Variants in SMG7 observed in about 807,000 individuals in gnomAD.
The protein encoded by SMG7 is nonsense-mediated mRNA decay factor SMG7.
In SMG7, 34 loss-of-function variants were observed where a neutral mutation model predicts 148.2. The observed-to-expected ratio is 0.23, with a 90% CI of 0.17 to 0.31. The LOEUF (loss-of-function observed/expected upper bound fraction) is 0.31. Among genes scored for constraint, SMG7 ranks in the 10% least tolerant of loss-of-function variants. The pLI, the probability that SMG7 is intolerant of heterozygous loss-of-function variation, is 1.00. For synonymous variants in SMG7, 492 were observed against 515.1 expected, an observed-to-expected ratio of 0.96 and a Z score of 0.61; for missense variants, 1,114 against 1,408.4, an observed-to-expected ratio of 0.79 and a Z score of 3.35.
At chr1:183,480,429 T>G (rs1015158479) in intron 1 of SMG7, among the ~76,000 whole-genome samples, 2 of 152,164 alleles carry the variant, frequency 1.3e-5, no homozygotes, top group Non-Finnish European at 2.9e-5. Flanking sequence ...ATTATTGAAA[T>G]TACCATTTCC....
At position 183,529,478 on chromosome 1, in the gene SMG7, G is replaced by C. The variant is rs1281396803; in HGVS notation, c.788G>C (p.Ser263Thr). The C allele has an allele frequency of 1.9e-6, 3 of 1,613,286 alleles. No homozygotes were observed. Among genetic ancestry groups the C allele is most frequent in the Middle Eastern group, 3.3e-4 (2 of 6,054 alleles). ...FIKFHGHVYL[S>T]KSLEKLSPLR... The stretch of plus-strand genomic sequence containing the variant: ...AAATTCCACGGTCATGTGTACCTGA[G>C]TAAGAGCTTGGAAAAGTTGAGCCCT... Residue 263 changes from serine (S) to threonine (T), a missense_variant, in exon 8 of 23, where the codon AGT becomes ACT. By Grantham distance (58) the Ser-to-Thr change is moderately conservative. Around this residue, in one of 4 missense-constraint regions of SMG7, gnomAD observed 216 missense variants for 329.1 expected, o/e 0.66. Transcript: ENST00000688051.
chr1:183,544,510 T>G lies in SMG7; in HGVS notation c.1987+13T>G. On this transcript the variant is annotated intron_variant, in intron 15 of 22. Transcript: ENST00000688051. Reference sequence around the variant, plus strand: ...CCCAGCAGGCCAGGTAAATATGTTTTGTAATTTCTTCTACTTAATCTTTTC... The same window carrying G: ...CCCAGCAGGCCAGGTAAATATGTTTGGTAATTTCTTCTACTTAATCTTTTC... 1 of 1,611,678 alleles carries G rather than the reference T, an allele frequency of 6.2e-7. No individual in the cohort carries two copies. The highest frequency in any genetic ancestry group is 8.5e-7 in the Non-Finnish European group (1 of 1,178,538).
Position 183,515,932 on chromosome 1 carries a change from C to T in SMG7, c.120C>T (p.Tyr40=). The T allele has an allele frequency of 6.2e-7, 1 of 1,612,938 alleles. No homozygotes were observed. Among genetic ancestry groups the T allele is most frequent in the South Asian group, 1.1e-5 (1 of 90,934 alleles). ...WTSRQALQDL[Y]QKMLVTDLEY... The stretch of plus-strand genomic sequence containing the variant: ...CCAGGCAGGCTCTGCAGGACCTGTA[C>T]CAGAAAATGCTAGTTACCGATTTGG... Residue 40 remains tyrosine, a synonymous_variant, in exon 3 of 23, where the codon TAC becomes TAT. Coordinates refer to ENST00000688051, the MANE Select transcript of SMG7 (RefSeq NM_001375584.1).
chr1:183,475,906 T>G (rs1652055582), intron 1 of SMG7, among the ~76,000 whole-genome samples: 1 of 152,224 alleles, frequency 6.6e-6, no homozygotes, highest in South Asian at 2.1e-4. Flanking sequence ...ATGATATTTT[T>G]CAGCTAAAAT....
intron 6 of SMG7, 64 bp from the exon 7 acceptor site, chr1:183,528,828 G>A: frequency 1.5e-6 from 2 of 1,370,042 alleles, no homozygotes; most frequent in African/African-American, 1.5e-5. Context: ...CTGATCATTT[G>A]TATTCTTATA....
intron 1 of SMG7, among the ~76,000 whole-genome samples, chr1:183,484,604 A>G (rs1367460251): frequency 6.6e-6 from 1 of 151,998 alleles, no homozygotes; most frequent in Non-Finnish European, 1.5e-5. Flanking sequence ...TTAAATGCTA[A>G]CAGGGAATTG....
intron 2 of SMG7, among the ~76,000 whole-genome samples, chr1:183,515,605 CT>C (rs35057958): frequency 0.023 from 2,773 of 123,178 alleles, 27 homozygotes; most frequent in African/African-American, 0.025. Context: ...GCAAACCATT[CT>C]TTTTTTTTTT....
At chr1:183,550,521 C>G (rs996077947) in intron 20 of SMG7, among the ~76,000 whole-genome samples, 17 of 152,100 alleles carry the variant, frequency 1.1e-4, no homozygotes, top group African/African-American at 4.1e-4. Flanking sequence ...ACAAAAATTG[C>G]CTACTATTTT....
intron 7 of SMG7, 119 bp downstream of exon 7, chr1:183,529,161 A>G (rs530840678): frequency 6.8e-5 from 72 of 1,054,696 alleles, no homozygotes; most frequent in South Asian, 2.1e-4. Context: ...TTCTAAACAT[A>G]TAGATTTTTC....
chr1:183,547,216 G>A lies in SMG7; in HGVS notation c.2856G>A (p.Leu952=). Residue 952 remains leucine, a synonymous_variant, in exon 18 of 23, where the codon CTG becomes CTA. Transcript: ENST00000688051. ...SNPPDLYPAL[L]GPLASLPGRS... is the part of the protein sequence containing the mutation. ...CTCCTGATCTTTACCCGGCTCTGCTGGGGCCTCTCGCCTCTCTTCCTGGAC... is the reference window on the plus strand; with the variant it reads ...CTCCTGATCTTTACCCGGCTCTGCTAGGGCCTCTCGCCTCTCTTCCTGGAC... The A allele has an allele frequency of 1.3e-6, 2 of 1,550,288 alleles. No individual in the cohort carries two copies. The highest frequency in any genetic ancestry group is 1.2e-5 in the South Asian group (1 of 84,036).
At chr1:183,529,333 C>T in intron 7 of SMG7, 65 bp from the exon 8 acceptor site, 1 of 1,552,242 alleles carries the variant, frequency 6.4e-7, no homozygotes, top group South Asian at 1.2e-5. Context: ...CAAGCCAGTG[C>T]CTCCTTAAAC....
chr1:183,517,087 A>G (rs1399129137), intron 3 of SMG7, among the ~76,000 whole-genome samples: 1 of 152,240 alleles, frequency 6.6e-6, no homozygotes, highest in African/African-American at 2.4e-5. Flanking sequence ...AAAGAAAAGC[A>G]TTTTATAACA....
intron 1 of SMG7, among the ~76,000 whole-genome samples, chr1:183,492,029 T>A (rs1317576384): frequency 6.6e-6 from 1 of 152,224 alleles, no homozygotes; most frequent in East Asian, 1.9e-4. Flanking sequence ...TCTGATCACC[T>A]CCTAAAGGCA....
chr1:183,542,908 TTC>T (rs1558054684), intron 14 of SMG7, among the ~76,000 whole-genome samples: 1 of 150,928 alleles, frequency 6.6e-6, no homozygotes, highest in Admixed American at 6.6e-5. Context: ...TTTTTTTAGA[TTC>T]ACTATAATAT....
intron 1 of SMG7, among the ~76,000 whole-genome samples, chr1:183,479,685 A>G (rs1477197706): frequency 6.6e-6 from 1 of 152,184 alleles, no homozygotes; most frequent in African/African-American, 2.4e-5. Context: ...ATAGAGCACA[A>G]TTACCGGGGT....
At chr1:183,488,682 C>CTTTTTT (rs55662555) in intron 1 of SMG7, among the ~76,000 whole-genome samples, 20 of 75,104 alleles carry the variant, frequency 2.7e-4, no homozygotes, top group Non-Finnish European at 4.1e-4. Flanking sequence ...GTTTATAAGG[C>CTTTTTT]TTTTTTTTTT....
chr1:183,528,002 T>C lies in SMG7; in HGVS notation c.531T>C (p.His177=), dbSNP rs770102980. 25 of 1,613,406 alleles carry C rather than the reference T, an allele frequency of 1.5e-5. No individual in the cohort carries two copies. Among genetic ancestry groups the C allele is most frequent in the Non-Finnish European group, 2.0e-5 (24 of 1,179,502 alleles). ...QTSQAESYYR[H]AAQLVPSNGQ... is the part of the protein sequence containing the mutation. ...GCCAGGCAGAGTCCTACTATAGGCATGCAGCTCAGCTTGTCCCCTCCAATG... is the reference window on the plus strand; with the variant it reads ...GCCAGGCAGAGTCCTACTATAGGCACGCAGCTCAGCTTGTCCCCTCCAATG... Residue 177 remains histidine, a synonymous_variant, in exon 6 of 23, where the codon CAT becomes CAC. Transcript: ENST00000688051.
At chr1:183,538,263 A>G in intron 11 of SMG7, 117 bp from the exon 12 acceptor site, 2 of 700,858 alleles carry the variant, frequency 2.9e-6, no homozygotes, top group South Asian at 1.6e-5. Context: ...AGAGCAGAGA[A>G]CAATAAGCAT....
Position 183,537,611 on chromosome 1 carries a change from G to A in SMG7, c.1234+396G>A, listed in dbSNP as rs747616369. 7.9e-5 allele frequency among the ~76,000 whole-genome samples: 12 copies of A among 152,178 alleles called. 1 individual carries two copies. The highest frequency in any genetic ancestry group is 4.8e-5 in the African/African-American group (2 of 41,454). ...TACAGAGATACCTTTTACTAGTCAC[G>A]ATAGTATATCTTCTTCGGGCCTTTT... is the stretch of plus-strand genomic sequence containing the variant. On this transcript the variant is annotated intron_variant, in intron 11 of 22. Transcript: ENST00000688051.
Sources: gnomAD v4.1 joint callset for allele counts (sites outside exome capture counted in the v4.1 genomes callset) on GRCh38, gnomAD v4.1.1 for gene constraint, gnomAD v4.1.1 regional missense constraint, MANE v1.5 for transcripts, NCBI Gene and HGNC (gene_info 2026-07-23, HGNC 2026-07-21) for gene names.